Variants in MYT1 observed in about 807,000 individuals in gnomAD.
The protein encoded by MYT1 is myelin transcription factor I.
MYT1 carries 23 observed loss-of-function variants against 123.0 expected under a neutral mutation model. That is an observed-to-expected ratio of 0.19 (90% confidence interval 0.13 to 0.26). The LOEUF (loss-of-function observed/expected upper bound fraction) is 0.26, where lower values mean the gene tolerates loss of function less well. Among genes scored for constraint, MYT1 ranks in the 10% least tolerant of loss-of-function variants. MYT1 has a pLI of 1.00. For missense variants in MYT1, 1,125 were observed against 1,472.5 expected (o/e 0.76, Z 3.86); for synonymous variants, 518 against 575.3 (o/e 0.90, Z 1.43).
rs1301882946 is a variant in MYT1 at position 64,166,933 on chromosome 20, C to G, written c.-99+2194C>G. Among the ~76,000 whole-genome samples the G allele has an allele frequency of 6.6e-6, 1 of 152,164 alleles. No homozygotes were observed. The highest frequency in any genetic ancestry group is 1.5e-5 in the Non-Finnish European group (1 of 68,028). ...ACGGCAGCCTGGATGGTGGCTGGAG[C>G]TTGGCCTGTCCCTGCTGTGGATGTG... On this transcript the variant is annotated intron_variant, in intron 1 of 22. Transcript: ENST00000328439. This position sits in a 1 kb window ranked among gnomAD's most constrained non-coding sequence, Gnocchi z 4.9.
rs1984659244 is a variant in MYT1 at position 64,239,811 on chromosome 20, A to G, written c.3145A>G (p.Ile1049Val). 1 of 1,609,848 alleles carries G rather than the reference A, an allele frequency of 6.2e-7. No homozygotes were observed. Among genetic ancestry groups the G allele is most frequent in the African/African-American group, 1.3e-5 (1 of 74,848 alleles). The change falls in exon 22 of 23, where the codon ATT (isoleucine) becomes GTT (valine). Residue 1049 changes from isoleucine to valine, a missense_variant. This residue lies in a region of MYT1 where 243 missense variants were observed against 323.1 expected (regional missense o/e 0.75). Coordinates refer to ENST00000328439, the MANE Select transcript of MYT1 (RefSeq NM_004535.3). ...LKNIEEENKLIEEQNEALFLE... is the reference protein window; with the variant it reads ...LKNIEEENKLVEEQNEALFLE... ...GAACATCGAGGAGGAGAACAAGCTC[A>G]TTGAGGAGCAGAATGAAGCCCTGTT...
At position 64,203,726 on chromosome 20, in the gene MYT1, G is replaced by C. The variant is rs1983394396; in HGVS notation, c.87-1309G>C. On this transcript the variant is annotated intron_variant, in intron 4 of 22. Coordinates refer to ENST00000328439, the MANE Select transcript of MYT1 (RefSeq NM_004535.3). This position sits in a 1 kb window ranked among gnomAD's most constrained non-coding sequence, Gnocchi z 5.1. ...CGGTTCTCCCAGAGGTAGTCGGGGA[G>C]GGTGGCCTGCAAGCCCACTGGGCCC... is the stretch of plus-strand genomic sequence containing the variant. 6.6e-6 allele frequency among the ~76,000 whole-genome samples: 1 copy of C among 152,352 alleles called. No homozygotes were observed. The highest frequency in any genetic ancestry group is 1.5e-5 in the Non-Finnish European group (1 of 68,042).
At position 64,232,588 on chromosome 20, in the gene MYT1, C is replaced by T. The variant is rs866787332; in HGVS notation, c.2897+203C>T. 8.5e-5 allele frequency among the ~76,000 whole-genome samples: 13 copies of T among 152,110 alleles called. No individual in the cohort carries two copies. Among genetic ancestry groups the T allele is most frequent in the South Asian group, 2.1e-4 (1 of 4,820 alleles). On this transcript the variant is annotated intron_variant, in intron 19 of 22. Coordinates refer to ENST00000328439, the MANE Select transcript of MYT1 (RefSeq NM_004535.3). The surrounding 1 kb of genome is among the most constrained non-coding windows in gnomAD (Gnocchi z 6.9). ...CAGGTGATGCTGTGGGTTATGTCTT[C>T]GCCATGCGTCTCCCCTCATACGCCA...
Position 64,236,556 on chromosome 20 carries a change from T to G in MYT1, c.2899T>G (p.Leu967Val). The stretch of plus-strand genomic sequence containing the variant: ...ATGATATGTGGCCTCTGCTTCCAGT[T>G]TGTCAGGCTGTCCCAGAGCAACCTT... ...ANGSFLTHRS[L>V]SGCPRATFAG... The change falls in exon 20 of 23, where the codon TTG (leucine) becomes GTG (valine). Residue 967 changes from leucine (L) to valine (V), a missense_variant and splice_region_variant. By Grantham distance (32) the Leu-to-Val change is conservative (BLOSUM62 1). Transcript: ENST00000328439. The G allele has an allele frequency of 6.2e-7, 1 of 1,613,390 alleles. No individual in the cohort carries two copies.
rs1047684345 is a variant in MYT1, at chr20:64,196,335, C to T, written c.1-2527C>T. On this transcript the variant is annotated intron_variant, in intron 2 of 22. Coordinates refer to ENST00000328439, the MANE Select transcript of MYT1 (RefSeq NM_004535.3). The surrounding 1 kb of genome is among the most constrained non-coding windows in gnomAD (Gnocchi z 4.3). ...GTGGTGCTGGGCACAGGGCCGCCCC[C>T]AGCACCCGCTCTCCATCTACCACAT... Among the ~76,000 whole-genome samples the T allele has an allele frequency of 6.6e-6, 1 of 152,252 alleles. No individual in the cohort carries two copies.
chr20:64,216,860 C>T (rs77227055), intron 10 of MYT1, among the ~76,000 whole-genome samples: 5,737 of 152,272 alleles, frequency 0.038, 382 homozygotes, highest in African/African-American at 0.13. Flanking sequence ...CATTCTTCAC[C>T]GGCCTGCTCT....
At position 64,232,624 on chromosome 20, in the gene MYT1, T is replaced by A. The variant is rs1984355859; in HGVS notation, c.2897+239T>A. The stretch of plus-strand genomic sequence containing the variant: ...TCCCCTCATACGCCACCCTTCCACA[T>A]CCTGATGGAGTCCTTCCTGGCTGGG... On this transcript the variant is annotated intron_variant, in intron 19 of 22. Coordinates refer to ENST00000328439, the MANE Select transcript of MYT1 (RefSeq NM_004535.3). This position sits in a 1 kb window ranked among gnomAD's most constrained non-coding sequence, Gnocchi z 6.9. Among the ~76,000 whole-genome samples, 4 of 152,078 alleles carry A rather than the reference T, an allele frequency of 2.6e-5. No individual in the cohort carries two copies. The highest frequency in any genetic ancestry group is 9.7e-5 in the African/African-American group (4 of 41,392).
Position 64,193,704 on chromosome 20 carries a change from C to T in MYT1, c.-1+3544C>T, listed in dbSNP as rs1422985976. Among the ~76,000 whole-genome samples, 1 of 152,038 alleles carries T rather than the reference C, an allele frequency of 6.6e-6. No individual in the cohort carries two copies. Among genetic ancestry groups the T allele is most frequent in the Non-Finnish European group, 1.5e-5 (1 of 68,002 alleles). ...CTGGCCCCTTCCTTCTGGGAAGTGG[C>T]TGCCTATGGTCCGCTGGGACTCAGC... On this transcript the variant is annotated intron_variant, in intron 2 of 22. Coordinates refer to ENST00000328439, the MANE Select transcript of MYT1 (RefSeq NM_004535.3). This position sits in a 1 kb window ranked among gnomAD's most constrained non-coding sequence, Gnocchi z 4.0.
At position 64,168,552 on chromosome 20, in the gene MYT1, G is replaced by A. The variant is rs996716258; in HGVS notation, c.-99+3813G>A. 6.6e-6 allele frequency among the ~76,000 whole-genome samples: 1 copy of A among 152,230 alleles called. No individual in the cohort carries two copies. The highest frequency in any genetic ancestry group is 1.5e-5 in the Non-Finnish European group (1 of 68,044). On this transcript the variant is annotated intron_variant, in intron 1 of 22. Coordinates refer to ENST00000328439, the MANE Select transcript of MYT1 (RefSeq NM_004535.3). The surrounding 1 kb of genome is among the most constrained non-coding windows in gnomAD (Gnocchi z 6.1). Reference sequence around the variant, plus strand: ...CCAGGCCTTGCAGAGGAGAGAGGATGTCGACACAGCTGTGGGTGTCTGTGG... The same window carrying A: ...CCAGGCCTTGCAGAGGAGAGAGGATATCGACACAGCTGTGGGTGTCTGTGG...
intron 19 of MYT1, among the ~76,000 whole-genome samples, chr20:64,234,878 A>G (rs1316962803): frequency 1.4e-5 from 1 of 69,130 alleles, no homozygotes; most frequent in African/African-American, 5.7e-5. Flanking sequence ...TGACCCTGGG[A>G]TGGCCGTGGT....
chr20:64,199,030 G>C, intron 3 of MYT1, 114 bp downstream of exon 3: 3 of 1,035,376 alleles, frequency 2.9e-6, no homozygotes, highest in Non-Finnish European at 4.3e-6. Context: ...GGGACCTCAG[G>C]CCTCTTCAGC....
chr20:64,211,992 G>A, intron 8 of MYT1, 56 bp from the exon 9 acceptor site: 2 of 1,460,330 alleles, frequency 1.4e-6, no homozygotes, highest in Non-Finnish European at 1.9e-6. Context: ...CACACAGCTG[G>A]CGCTCCCCAG....
rs1477596796 is a variant in MYT1 at position 64,208,729 on chromosome 20, A to G, written c.1291+242A>G. Among the ~76,000 whole-genome samples the G allele has an allele frequency of 6.6e-6, 1 of 152,212 alleles. No homozygotes were observed. Among genetic ancestry groups the G allele is most frequent in the African/African-American group, 2.4e-5 (1 of 41,464 alleles). On this transcript the variant is annotated intron_variant, in intron 7 of 22. Coordinates refer to ENST00000328439, the MANE Select transcript of MYT1 (RefSeq NM_004535.3). This position sits in a 1 kb window ranked among gnomAD's most constrained non-coding sequence, Gnocchi z 5.4. ...GACGTGTGAGAAAGAACCAGGTGGG[A>G]GAGAGGAGGTGGGAGGGACAGTGAC...
chr20:64,201,935 G>A (rs1042158917), intron 4 of MYT1, among the ~76,000 whole-genome samples: 4 of 140,942 alleles, frequency 2.8e-5, no homozygotes, highest in Admixed American at 2.1e-4. Context: ...GAACCCCCGC[G>A]TGTCGGGAAC....
chr20:64,179,697 G>T (rs1171902460), intron 1 of MYT1, among the ~76,000 whole-genome samples: 1 of 151,868 alleles, frequency 6.6e-6, no homozygotes, highest in Non-Finnish European at 1.5e-5. Flanking sequence ...CCTGCTTGGG[G>T]CCTGGAACTC....
intron 2 of MYT1, among the ~76,000 whole-genome samples, chr20:64,195,044 C>T (rs144862582): frequency 0.047 from 7,109 of 151,814 alleles, 542 homozygotes; most frequent in African/African-American, 0.16. Context: ...TACAGGCGGC[C>T]GCCACCACAC....
chr20:64,177,727 G>A (rs1420640572), intron 1 of MYT1, among the ~76,000 whole-genome samples: 3 of 149,624 alleles, frequency 2.0e-5, no homozygotes, highest in African/African-American at 7.5e-5. Flanking sequence ...GGAAAGGCTG[G>A]GGGCAGGGGC....
At chr20:64,223,405 G>A (rs780426051) in intron 16 of MYT1, 46 bp downstream of exon 16, 14 of 1,601,928 alleles carry the variant, frequency 8.7e-6, no homozygotes, top group South Asian at 7.7e-5. Context: ...CGGCACCCTC[G>A]CTTTGCTCTC....
intron 21 of MYT1, among the ~76,000 whole-genome samples, chr20:64,239,284 A>C (rs561754777): frequency 7.9e-4 from 121 of 152,330 alleles, no homozygotes; most frequent in Non-Finnish European, 1.5e-3. Context: ...ACCCAAAGGC[A>C]GTCTGACACT....
Sources: allele counts gnomAD v4.1 joint callset (sites outside exome capture counted in the v4.1 genomes callset), GRCh38; gene constraint gnomAD v4.1.1; regional missense constraint gnomAD v4.1.1; non-coding constraint Gnocchi (gnomAD v3.1); transcripts MANE v1.5; gene names NCBI Gene and HGNC (gene_info 2026-07-23, HGNC 2026-07-21).